The following FRMD4A variants were observed in gnomAD, a reference collection of about 807,000 sequenced individuals.
FRMD4A encodes FERM domain-containing protein 4A.
FRMD4A carries 29 observed loss-of-function variants against 129.1 expected under a neutral mutation model. The ratio of observed to expected loss-of-function variants is 0.22; its 90% CI spans 0.17 to 0.31. The LOEUF (loss-of-function observed/expected upper bound fraction) is 0.31, where lower values mean the gene tolerates loss of function less well. Among genes scored for constraint, FRMD4A ranks in the 10% least tolerant of loss-of-function variants. FRMD4A has a pLI of 1.00. For missense variants in FRMD4A, 1,272 were observed against 1,375.8 expected (o/e 0.92, Z 1.19); for synonymous variants, 634 against 571.6 (o/e 1.11, Z -1.56).
chr10:13,693,360 C>T (rs1359174422), intron 15 of FRMD4A: 2 of 284,890 alleles, frequency 7.0e-6, no homozygotes, highest in Non-Finnish European at 1.2e-5. Context: ...CCAAGGCTGG[C>T]GGAAGCGGAC....
At chr10:14,292,286 T>C (rs1274770013) in intron 2 of FRMD4A, among the ~76,000 whole-genome samples, 1 of 152,248 alleles carries the variant, frequency 6.6e-6, no homozygotes, top group Non-Finnish European at 1.5e-5. Context: ...GATACTGGCA[T>C]GTGTATGAGA....
chr10:14,230,502 G>A (rs1207133708), intron 2 of FRMD4A, among the ~76,000 whole-genome samples: 1 of 152,206 alleles, frequency 6.6e-6, no homozygotes, highest in Non-Finnish European at 1.5e-5. Context: ...TAGATGCTCA[G>A]CCCATATTAG....
At chr10:14,231,423 A>G (rs1368066399) in intron 2 of FRMD4A, among the ~76,000 whole-genome samples, 1 of 151,702 alleles carries the variant, frequency 6.6e-6, no homozygotes, top group African/African-American at 2.4e-5. Flanking sequence ...GCTCACTGAA[A>G]GCTCCACCTC....
rs768076546 is a variant in FRMD4A, at chr10:13,646,939, G to A, written c.*99C>T. 1.4e-5 allele frequency: 14 copies of A among 967,350 alleles called. No homozygotes were observed. The highest frequency in any genetic ancestry group is 1.5e-5 in the Non-Finnish European group (12 of 812,894). The allele number at this position is 967,350 out of a possible 1,614,324, so 59.9% of individuals were successfully genotyped here. On this transcript the variant is annotated 3_prime_UTR_variant, in exon 25 of 25. Transcript: ENST00000357447. ...CAGATTAGGCCGGGCTGGCTCACAC[G>A]AGGGTCCCGGGCTTGGCTTTTTCCT...
chr10:14,135,455 A>G (rs1480707931), intron 2 of FRMD4A, among the ~76,000 whole-genome samples: 3 of 152,224 alleles, frequency 2.0e-5, no homozygotes, highest in Admixed American at 6.5e-5. Flanking sequence ...TTTTCTGTCT[A>G]TAAATCTTCT....
chr10:14,114,222 T>TTTTCCTCAGGCTCTCTTC (rs1181677746), intron 2 of FRMD4A, among the ~76,000 whole-genome samples: 1 of 152,224 alleles, frequency 6.6e-6, no homozygotes, highest in Non-Finnish European at 1.5e-5. Flanking sequence ...CTTTTGGTTA[T>TTTTCCTCAGGCTCTCTTC]TTTCCTCAGG....
At chr10:13,679,503 AC>A (rs2084337200) in intron 15 of FRMD4A, among the ~76,000 whole-genome samples, 1 of 139,196 alleles carries the variant, frequency 7.2e-6, no homozygotes, top group Admixed American at 7.5e-5. Flanking sequence ...ACACACACAC[AC>A]ACACACAGTG....
intron 2 of FRMD4A, among the ~76,000 whole-genome samples, chr10:14,027,056 A>G (rs1833017053): frequency 6.6e-6 from 1 of 152,224 alleles, no homozygotes; most frequent in Non-Finnish European, 1.5e-5. Flanking sequence ...ACATCATGGA[A>G]AATGGGGGTC....
chr10:14,254,104 G>A (rs1394723333), intron 2 of FRMD4A, among the ~76,000 whole-genome samples: 2 of 152,078 alleles, frequency 1.3e-5, no homozygotes, highest in East Asian at 3.9e-4. Flanking sequence ...GGAGGTACAG[G>A]CCACCCCTCC....
intron 3 of FRMD4A, among the ~76,000 whole-genome samples, chr10:13,837,023 C>G (rs374157533): frequency 2.6e-5 from 4 of 152,062 alleles, no homozygotes; most frequent in South Asian, 2.1e-4. Flanking sequence ...TCTCAAAGTG[C>G]TGGGATTACA....
In FRMD4A at chr10:13,939,161, A is replaced by G. The variant is rs981336517; in HGVS notation, c.46-80249T>C. ...CAGCTGCAGGGAATTCAACGCCAGT[A>G]CCAACCGTATGGTTCACATTATTCT... On this transcript the variant is annotated intron_variant, in intron 2 of 24. Transcript: ENST00000357447. 1.1e-4 allele frequency among the ~76,000 whole-genome samples: 16 copies of G among 152,368 alleles called. No individual in the cohort carries two copies. The South Asian group carries it at 3.3e-3, about 32-fold the overall frequency.
chr10:13,697,479 C>T (rs543562448), intron 14 of FRMD4A, among the ~76,000 whole-genome samples: 24 of 152,220 alleles, frequency 1.6e-4, no homozygotes, highest in African/African-American at 5.5e-4. Flanking sequence ...AATATCACAG[C>T]GACCTAACAG....
Position 14,128,124 on chromosome 10 carries a change from G to A in FRMD4A, c.45+201934C>T, listed in dbSNP as rs111954909. On this transcript the variant is annotated intron_variant, in intron 2 of 24. Transcript: ENST00000357447. ...TCTTTCTTTTCTTTTCTTTTCTTGA[G>A]ACAGGGTCTCACTCTGCCACTCAGA... Among the ~76,000 whole-genome samples, 58 of 131,872 alleles carry A rather than the reference G, an allele frequency of 4.4e-4. 1 individual carries two copies. The highest frequency in any genetic ancestry group is 1.6e-3 in the African/African-American group (55 of 34,538). 86.5% of individuals were successfully genotyped at this position (131,872 alleles called of 152,430 possible). A position where few individuals can be genotyped will look rare whatever the true frequency, so the allele number is the denominator to read the frequency against.
intron 12 of FRMD4A, among the ~76,000 whole-genome samples, chr10:13,737,577 A>G (rs867162642): frequency 1.3e-5 from 2 of 152,126 alleles, no homozygotes; most frequent in Non-Finnish European, 2.9e-5. Flanking sequence ...CTCTTTGCCT[A>G]TCTGCTCTGG....
intron 15 of FRMD4A, chr10:13,685,639 G>A (rs531437927): frequency 2.4e-5 from 24 of 984,338 alleles, no homozygotes; most frequent in Admixed American, 6.1e-5. Flanking sequence ...AGAAACGCTC[G>A]TGGGAAGTGA....
chr10:14,138,881 A>G (rs1259855670), intron 2 of FRMD4A, among the ~76,000 whole-genome samples: 1 of 152,172 alleles, frequency 6.6e-6, no homozygotes, highest in Non-Finnish European at 1.5e-5. Context: ...ATACAGGAAC[A>G]TTTTTCTACT....
chr10:14,308,197 C>A (rs752830792), intron 2 of FRMD4A, among the ~76,000 whole-genome samples: 1 of 152,164 alleles, frequency 6.6e-6, no homozygotes, highest in Non-Finnish European at 1.5e-5. Flanking sequence ...TATTGATGAC[C>A]AAATTGCACT....
chr10:13,781,471 A>G (rs112611847), intron 6 of FRMD4A, among the ~76,000 whole-genome samples: 11,548 of 136,576 alleles, frequency 0.085, 1,299 homozygotes, highest in African/African-American at 0.27. Context: ...TCCACCTCCC[A>G]GGTTCAAGAG....
At chr10:14,061,165 A>G (rs1331280342) in intron 2 of FRMD4A, among the ~76,000 whole-genome samples, 2 of 152,344 alleles carry the variant, frequency 1.3e-5, no homozygotes, top group Non-Finnish European at 1.5e-5. Context: ...AAGCACATTT[A>G]GGCCGGGCGT....
Sources: gnomAD v4.1 joint callset for allele counts (sites outside exome capture counted in the v4.1 genomes callset) on GRCh38, gnomAD v4.1.1 for gene constraint, MANE v1.5 for transcripts, NCBI Gene and HGNC (gene_info 2026-07-23, HGNC 2026-07-21) for gene names.